The following PPA1 variants were observed in gnomAD, a reference collection of about 807,000 sequenced individuals.
PPA1 encodes the protein inorganic pyrophosphatase.
In PPA1, 23 loss-of-function variants were observed where a neutral mutation model predicts 41.8. The ratio of observed to expected loss-of-function variants is 0.55; its 90% CI spans 0.40 to 0.78. The LOEUF (loss-of-function observed/expected upper bound fraction) is 0.78. Among genes scored for constraint, PPA1 ranks in the 30% least tolerant of loss-of-function variants. The pLI is 0.00. For missense variants in PPA1, 320 were observed against 361.6 expected (o/e 0.89, Z 0.93); for synonymous variants, 101 against 116.8 (o/e 0.86, Z 0.87).
intron 2 of PPA1, among the ~76,000 whole-genome samples, chr10:70,220,658 T>TATAATTATATATATATAA: frequency 7.5e-4 from 1 of 1,336 alleles, no homozygotes; most frequent in Non-Finnish European, 1.2e-3. Flanking sequence ...TATATATATA[T>TATAATTATATATATATAA]TATATATAAT....
chr10:70,230,335 C>A lies in PPA1; in HGVS notation c.123+6G>T. On this transcript the variant is annotated splice_donor_region_variant and intron_variant, in intron 2 of 10. Transcript: ENST00000373232. Reference sequence around the variant, plus strand: ...GAGACTGTGTCCAAAAACAAGGATGCCTTACCTTATCTGCATAAATTGGAA... The same window carrying A: ...GAGACTGTGTCCAAAAACAAGGATGACTTACCTTATCTGCATAAATTGGAA... 1 of 1,612,836 alleles carries A rather than the reference C, an allele frequency of 6.2e-7. No homozygotes were observed. The highest frequency in any genetic ancestry group is 1.3e-5 in the African/African-American group (1 of 74,998).
chr10:70,219,100 A>C (rs1231530209), intron 2 of PPA1, among the ~76,000 whole-genome samples: 1 of 152,180 alleles, frequency 6.6e-6, no homozygotes, highest in East Asian at 1.9e-4. Context: ...GCAAGGTCTT[A>C]CTGTGTTGCC....
chr10:70,206,065 T>C (rs537035567), intron 9 of PPA1, 199 bp downstream of exon 9: 1 of 569,642 alleles, frequency 1.8e-6, no homozygotes, highest in East Asian at 2.9e-5. Flanking sequence ...TATGATTGAT[T>C]AGAATCACTC....
chr10:70,233,136 C>G, intron 1 of PPA1, 128 bp downstream of exon 1: 1 of 1,093,842 alleles, frequency 9.1e-7, no homozygotes, highest in East Asian at 3.1e-5. Context: ...GGCCCCACAA[C>G]GCGCCCGAGG....
intron 8 of PPA1, among the ~76,000 whole-genome samples, 167 bp downstream of exon 8, chr10:70,209,038 T>A (rs1375444344): frequency 1.3e-5 from 2 of 152,214 alleles, no homozygotes. Context: ...AAGCAATCCA[T>A]CCACCTTGGC....
At chr10:70,208,244 T>C (rs1839970298) in intron 8 of PPA1, among the ~76,000 whole-genome samples, 1 of 152,192 alleles carries the variant, frequency 6.6e-6, no homozygotes, top group South Asian at 2.1e-4. Context: ...TGAATCATCT[T>C]TGCTGACCTG....
In PPA1 at chr10:70,209,302, AGAGG is replaced by A; in HGVS notation, c.640-16_640-13del. The A allele has an allele frequency of 6.4e-7, 1 of 1,550,484 alleles. No homozygotes were observed. The highest frequency in any genetic ancestry group is 8.9e-7 in the Non-Finnish European group (1 of 1,126,700). ...TCAATGGCAAAGTCCTATAATTTGA[AGAGG>A]TTTGCATTACAATGATAAAAAGGTA... is the stretch of plus-strand genomic sequence containing the variant. On this transcript the variant is annotated splice_polypyrimidine_tract_variant and intron_variant, in intron 7 of 10. Coordinates refer to ENST00000373232, the MANE Select transcript of PPA1 (RefSeq NM_021129.4).
intron 8 of PPA1, among the ~76,000 whole-genome samples, chr10:70,208,217 A>G (rs182967052): frequency 1.6e-4 from 24 of 152,286 alleles, no homozygotes; most frequent in African/African-American, 5.3e-4. Context: ...AAAGAAATAC[A>G]CCATCAAAAT....
chr10:70,230,357 G>A lies in PPA1; in HGVS notation c.107C>T (p.Pro36Leu), dbSNP rs1840277116. The A allele has an allele frequency of 6.2e-7, 1 of 1,612,922 alleles. No homozygotes were observed. The highest frequency in any genetic ancestry group is 2.2e-5 in the East Asian group (1 of 44,880). ...GQYISPFHDI[P>L]IYADKDVFHM... ...ATGCCTTACCTTATCTGCATAAATTGGAATATCATGAAATGGAGATATATA... is the reference window on the plus strand; with the variant it reads ...ATGCCTTACCTTATCTGCATAAATTAGAATATCATGAAATGGAGATATATA... The change falls in exon 2 of 11, where the codon CCA (proline) becomes CTA (leucine). Residue 36 changes from proline to leucine, a missense_variant. Coordinates refer to ENST00000373232, the MANE Select transcript of PPA1 (RefSeq NM_021129.4).
At position 70,203,193 on chromosome 10, in the gene PPA1, T is replaced by C. The variant is rs1364579526; in HGVS notation, c.839-7A>G. ...TGATGGAACCACTTATCCACTGTAT[T>C]CAGAGAAAAGAAAAACAAATTAGAA... is the stretch of plus-strand genomic sequence containing the variant. On this transcript the variant is annotated splice_polypyrimidine_tract_variant and splice_region_variant and intron_variant, in intron 10 of 10. Transcript: ENST00000373232. 2 of 1,605,202 alleles carry C rather than the reference T, an allele frequency of 1.2e-6. No individual in the cohort carries two copies.
At chr10:70,214,388 C>A in intron 5 of PPA1, 112 bp downstream of exon 5, 1 of 816,376 alleles carries the variant, frequency 1.2e-6, no homozygotes, top group East Asian at 2.6e-5. Context: ...AAAGAGACAT[C>A]ATTATTTCAC....
rs1398660770 is a variant in PPA1, at chr10:70,213,436, GA to G, written c.511+26del. The G allele has an allele frequency of 2.5e-6, 4 of 1,611,890 alleles. No individual in the cohort carries two copies. The African/African-American group carries it at 4.0e-5, about 16-fold the overall frequency. ...GTGGTGCTTATGAATTAATTAGAAA[GA>G]CTTCAGACTTTTCAAATTTTCTTAC... On this transcript the variant is annotated intron_variant, in intron 6 of 10. Coordinates refer to ENST00000373232, the MANE Select transcript of PPA1 (RefSeq NM_021129.4).
intron 6 of PPA1, among the ~76,000 whole-genome samples, chr10:70,212,638 T>TAGAATAGGC (rs1176251809): frequency 6.6e-6 from 1 of 152,098 alleles, no homozygotes; most frequent in Non-Finnish European, 1.5e-5. Context: ...CTAGAATAGG[T>TAGAATAGGC]AGAATAGGCA....
chr10:70,203,269 CT>C, intron 10 of PPA1, 83 bp from the exon 11 acceptor site: 2 of 1,224,698 alleles, frequency 1.6e-6, no homozygotes, highest in South Asian at 2.5e-5. Flanking sequence ...GACTAATATA[CT>C]TGCTTTAATG....
At chr10:70,226,939 A>C (rs908286097) in intron 2 of PPA1, among the ~76,000 whole-genome samples, 1 of 152,238 alleles carries the variant, frequency 6.6e-6, no homozygotes, top group East Asian at 1.9e-4. Flanking sequence ...ATAGAACCCT[A>C]CATTGTCAGA....
intron 1 of PPA1, among the ~76,000 whole-genome samples, chr10:70,232,537 C>G (rs1372627563): frequency 6.6e-6 from 1 of 152,238 alleles, no homozygotes; most frequent in South Asian, 2.1e-4. Flanking sequence ...GTAGGTACCC[C>G]CTAGACGCCG....
intron 6 of PPA1, 39 bp from the exon 7 acceptor site, chr10:70,209,724 T>C (rs751396574): frequency 9.1e-6 from 14 of 1,539,542 alleles, no homozygotes; most frequent in East Asian, 4.5e-5. Context: ...GTGAGAATGA[T>C]TTTTTTAAAA....
chr10:70,218,083 T>C (rs900923514), intron 3 of PPA1, 152 bp from the exon 4 acceptor site: 12 of 698,018 alleles, frequency 1.7e-5, no homozygotes, highest in Admixed American at 3.7e-5. Context: ...AACTAAGGTG[T>C]TTCCATAATC....
intron 2 of PPA1, among the ~76,000 whole-genome samples, chr10:70,224,983 G>A (rs1424821075): frequency 6.6e-6 from 1 of 152,092 alleles, no homozygotes; most frequent in Non-Finnish European, 1.5e-5. Context: ...CGCCCACCTT[G>A]GCCCCCCAAA....
Sources: allele counts gnomAD v4.1 joint callset (sites outside exome capture counted in the v4.1 genomes callset), GRCh38; gene constraint gnomAD v4.1.1; transcripts MANE v1.5; gene names NCBI Gene and HGNC (gene_info 2026-07-23, HGNC 2026-07-21).